Variants in KCNIP4 observed in about 807,000 individuals in gnomAD.
KCNIP4 encodes the protein Kv channel-interacting protein 4.
Under a neutral mutation model 34.0 loss-of-function variants are expected in KCNIP4, and 12 were observed. The observed-to-expected ratio is 0.35, with a 90% CI of 0.23 to 0.57. KCNIP4 has a LOEUF of 0.57. Ranked by LOEUF, KCNIP4 falls within the 20% of genes least tolerant of loss-of-function variation. KCNIP4 has a pLI of 0.83. For missense variants in KCNIP4, 238 were observed against 311.7 expected (o/e 0.76, Z 1.78); for synonymous variants, 124 against 102.2 (o/e 1.21, Z -1.29).
intron 1 of KCNIP4, among the ~76,000 whole-genome samples, chr4:21,921,600 A>G (rs542929623): frequency 1.3e-5 from 2 of 152,180 alleles, no homozygotes; most frequent in East Asian, 3.9e-4. Context: ...TCAGTAAGCA[A>G]GGCCACCACC....
chr4:20,945,447 A>T (rs543175765), intron 1 of KCNIP4, among the ~76,000 whole-genome samples: 1 of 152,326 alleles, frequency 6.6e-6, no homozygotes, highest in African/African-American at 2.4e-5. Flanking sequence ...AAATGGGGAC[A>T]TTCACAACTG....
At chr4:21,533,482 T>C (rs1175169128) in intron 1 of KCNIP4, among the ~76,000 whole-genome samples, 1 of 152,084 alleles carries the variant, frequency 6.6e-6, no homozygotes, top group East Asian at 1.9e-4. Flanking sequence ...GATGAATTAT[T>C]TTACCCCATT....
chr4:21,883,921 G>A (rs1475049114), intron 1 of KCNIP4, among the ~76,000 whole-genome samples: 1 of 152,070 alleles, frequency 6.6e-6, no homozygotes, highest in Admixed American at 6.6e-5. Flanking sequence ...TTTGGAATAA[G>A]CTACACACAC....
intron 1 of KCNIP4, among the ~76,000 whole-genome samples, chr4:21,075,060 A>G (rs186479835): frequency 0.026 from 3,890 of 151,888 alleles, 149 homozygotes; most frequent in African/African-American, 0.087. Context: ...ACTTCCAACT[A>G]TGTGGTCAAT....
chr4:21,312,309 C>T lies in KCNIP4; in HGVS notation c.62-429600G>A, dbSNP rs569400883. On this transcript the variant is annotated intron_variant, in intron 1 of 8. Transcript: ENST00000382152. Reference sequence around the variant, plus strand: ...AAACTGTTATGTGCATCAGCATTAACTAGAAAGCTCCCTAAAAAGGAATCC... The same window carrying T: ...AAACTGTTATGTGCATCAGCATTAATTAGAAAGCTCCCTAAAAAGGAATCC... 6.6e-5 allele frequency among the ~76,000 whole-genome samples: 10 copies of T among 152,328 alleles called. No individual in the cohort carries two copies. In the East Asian group the frequency reaches 1.9e-3, roughly 29 times the overall value.
At chr4:21,679,284 T>G (rs1232121203) in intron 1 of KCNIP4, among the ~76,000 whole-genome samples, 18 of 152,200 alleles carry the variant, frequency 1.2e-4, no homozygotes, top group Non-Finnish European at 1.5e-5. Flanking sequence ...TCTACTGACA[T>G]GCATTTTAAT....
At chr4:21,753,208 T>A (rs1182952108) in intron 1 of KCNIP4, among the ~76,000 whole-genome samples, 2 of 152,036 alleles carry the variant, frequency 1.3e-5, no homozygotes, top group Admixed American at 1.3e-4. Context: ...TCTGCAAAGG[T>A]TTTTCACACT....
At chr4:20,885,936 C>A (rs1204923693) in intron 1 of KCNIP4, among the ~76,000 whole-genome samples, 1 of 152,082 alleles carries the variant, frequency 6.6e-6, no homozygotes, top group African/African-American at 2.4e-5. Flanking sequence ...AGTTCAATAA[C>A]TTTTTGAGGA....
At chr4:20,741,978 A>T (rs1285852517) in intron 5 of KCNIP4, among the ~76,000 whole-genome samples, 4 of 152,222 alleles carry the variant, frequency 2.6e-5, no homozygotes, top group African/African-American at 9.6e-5. Context: ...AGAAGAATGG[A>T]TAAATTCCTG....
At chr4:21,816,102 A>G (rs1026452232) in intron 1 of KCNIP4, among the ~76,000 whole-genome samples, 20 of 152,152 alleles carry the variant, frequency 1.3e-4, no homozygotes, top group Non-Finnish European at 7.4e-5. Flanking sequence ...CTTATACAAA[A>G]TCAAAGCCAG....
At chr4:21,728,065 C>T (rs1715322988) in intron 1 of KCNIP4, among the ~76,000 whole-genome samples, 1 of 150,122 alleles carries the variant, frequency 6.7e-6, no homozygotes, top group South Asian at 2.1e-4. Context: ...CAAATCTCAG[C>T]CTCTTTTCTT....
intron 1 of KCNIP4, among the ~76,000 whole-genome samples, chr4:21,707,502 G>C (rs1048175936): frequency 3.3e-5 from 5 of 152,008 alleles, no homozygotes; most frequent in African/African-American, 1.2e-4. Context: ...CATATGTGTA[G>C]ATTTTGGACA....
At chr4:21,562,900 C>T (rs1420884849) in intron 1 of KCNIP4, among the ~76,000 whole-genome samples, 1 of 152,010 alleles carries the variant, frequency 6.6e-6, no homozygotes, top group Admixed American at 6.6e-5. Context: ...CCTCTCAACA[C>T]TCGCGTAAAT....
chr4:21,147,896 G>A (rs563914657), intron 1 of KCNIP4, among the ~76,000 whole-genome samples: 12 of 113,998 alleles, frequency 1.1e-4, no homozygotes, highest in East Asian at 2.9e-4. Flanking sequence ...CCAAGATCAC[G>A]CCACTACACT....
chr4:21,369,021 G>A (rs1201316216), intron 1 of KCNIP4, among the ~76,000 whole-genome samples: 1 of 146,918 alleles, frequency 6.8e-6, no homozygotes, highest in Non-Finnish European at 1.5e-5. Flanking sequence ...CTTTCTGATT[G>A]CAGTAAAGGG....
At chr4:21,401,984 C>G (rs1383341235) in intron 1 of KCNIP4, among the ~76,000 whole-genome samples, 2 of 152,158 alleles carry the variant, frequency 1.3e-5, no homozygotes, top group East Asian at 3.9e-4. Flanking sequence ...CTTTCACATG[C>G]AAGGAAATGA....
intron 3 of KCNIP4, among the ~76,000 whole-genome samples, chr4:20,793,870 G>C (rs1273204577): frequency 6.6e-6 from 1 of 151,928 alleles, no homozygotes; most frequent in Non-Finnish European, 1.5e-5. Flanking sequence ...TGGTTTGGCT[G>C]TGTCCCCACC....
chr4:21,109,041 G>A (rs914769499), intron 1 of KCNIP4, among the ~76,000 whole-genome samples: 2 of 152,138 alleles, frequency 1.3e-5, no homozygotes, highest in Non-Finnish European at 2.9e-5. Context: ...GCTGCTCGGG[G>A]GTCAGGGGTC....
chr4:21,153,536 T>C (rs901671633), intron 1 of KCNIP4, among the ~76,000 whole-genome samples: 1 of 146,112 alleles, frequency 6.8e-6, no homozygotes, highest in South Asian at 2.1e-4. Flanking sequence ...TATATATATA[T>C]ATATATGCTT....
Sources: gnomAD v4.1 joint callset for allele counts (sites outside exome capture counted in the v4.1 genomes callset) on GRCh38, gnomAD v4.1.1 for gene constraint, MANE v1.5 for transcripts, NCBI Gene and HGNC (gene_info 2026-07-23, HGNC 2026-07-21) for gene names.